Variants in MMP16 observed in about 807,000 individuals in gnomAD.
MMP16 encodes matrix metallopeptidase 16.
In MMP16, 12 loss-of-function variants were observed where a neutral mutation model predicts 67.8. That is an observed-to-expected ratio of 0.18 (90% confidence interval 0.11 to 0.29). MMP16 has a LOEUF of 0.29. MMP16 is among the 10% of genes least tolerant of loss of function. MMP16 has a pLI of 1.00. For synonymous variants in MMP16, 249 were observed against 255.9 expected (o/e 0.97, Z 0.26); for missense variants, 475 against 765.7 (o/e 0.62, Z 4.48).
At chr8:88,204,115 C>G (rs749996589) in intron 1 of MMP16, among the ~76,000 whole-genome samples, 1 of 152,182 alleles carries the variant, frequency 6.6e-6, no homozygotes, top group Admixed American at 6.5e-5. Context: ...AAAATCCCAG[C>G]AACAGAATTT....
chr8:88,297,274 G>A (rs1344050547), intron 1 of MMP16, among the ~76,000 whole-genome samples: 1 of 152,150 alleles, frequency 6.6e-6, no homozygotes, highest in Non-Finnish European at 1.5e-5. Flanking sequence ...ATGGAAGAAA[G>A]AGCAGAGTGC....
intron 1 of MMP16, among the ~76,000 whole-genome samples, chr8:88,247,274 A>G (rs1443385749): frequency 1.3e-5 from 2 of 152,178 alleles, no homozygotes; most frequent in Non-Finnish European, 2.9e-5. Flanking sequence ...TATTGTGATA[A>G]CTCAAGTATA....
At chr8:88,318,168 T>C (rs886582935) in intron 1 of MMP16, among the ~76,000 whole-genome samples, 6 of 152,188 alleles carry the variant, frequency 3.9e-5, no homozygotes, top group African/African-American at 1.4e-4. Context: ...TATTGTTCAA[T>C]TCTTTTAATC....
intron 4 of MMP16, among the ~76,000 whole-genome samples, chr8:88,153,189 C>T (rs1808439467): frequency 6.7e-6 from 1 of 149,606 alleles, no homozygotes; most frequent in Non-Finnish European, 1.5e-5. Context: ...AGGAGAACTA[C>T]AAATCACTGC....
intron 1 of MMP16, among the ~76,000 whole-genome samples, chr8:88,224,759 G>A (rs1188795240): frequency 1.3e-5 from 2 of 152,010 alleles, no homozygotes; most frequent in Non-Finnish European, 2.9e-5. Context: ...TCAAATATAG[G>A]TGGTAAATGC....
chr8:88,062,645 C>T (rs530882946), intron 7 of MMP16, among the ~76,000 whole-genome samples: 37 of 144,294 alleles, frequency 2.6e-4, no homozygotes, highest in Non-Finnish European at 3.8e-4. Flanking sequence ...CATCACACAC[C>T]GGGGCCTGTT....
chr8:88,219,452 C>G (rs1232902810), intron 1 of MMP16, among the ~76,000 whole-genome samples: 1 of 152,026 alleles, frequency 6.6e-6, no homozygotes, highest in Non-Finnish European at 1.5e-5. Context: ...AAATGTTACA[C>G]TATGCAGGTT....
chr8:88,164,129 T>C (rs1037895564), intron 4 of MMP16, among the ~76,000 whole-genome samples: 5 of 152,070 alleles, frequency 3.3e-5, no homozygotes, highest in Non-Finnish European at 7.4e-5. Context: ...CAAATTGCCT[T>C]CATTAGCTGA....
chr8:88,244,766 C>A (rs1432230988), intron 1 of MMP16, among the ~76,000 whole-genome samples: 3 of 152,102 alleles, frequency 2.0e-5, no homozygotes, highest in Non-Finnish European at 4.4e-5. Context: ...TCTTTCTTTA[C>A]CTTCGTGACT....
In MMP16 at chr8:88,254,225, T is replaced by C. The variant is rs937359460; in HGVS notation, c.133-56919A>G. Reference sequence around the variant, plus strand: ...AATGCAGGAACAAACAACTAAATACTGCATGTTCCTGCTTATAAATGGGAG... The same window carrying C: ...AATGCAGGAACAAACAACTAAATACCGCATGTTCCTGCTTATAAATGGGAG... On this transcript the variant is annotated intron_variant, in intron 1 of 9. Transcript: ENST00000286614. Among the ~76,000 whole-genome samples the C allele has an allele frequency of 5.3e-5, 8 of 152,204 alleles. 1 individual carries two copies. Among genetic ancestry groups the C allele is most frequent in the Middle Eastern group, 3.4e-3 (1 of 294 alleles).
rs1216309200 is a variant in MMP16, at chr8:88,036,919, T to C, written c.*4542A>G. On this transcript the variant is annotated 3_prime_UTR_variant, in exon 10 of 10. Transcript: ENST00000286614. ...AATCTCACAGACTCAATACTACCAGTAAATAATTCCCTTTATTAGTTTCTG... is the reference window on the plus strand; with the variant it reads ...AATCTCACAGACTCAATACTACCAGCAAATAATTCCCTTTATTAGTTTCTG... 6.6e-6 allele frequency: 1 copy of C among 151,666 alleles called. No individual in the cohort carries two copies. The highest frequency in any genetic ancestry group is 1.5e-5 in the Non-Finnish European group (1 of 67,756). The allele number at this position is 151,666 out of a possible 1,614,324, so 9.4% of individuals were successfully genotyped here.
intron 1 of MMP16, among the ~76,000 whole-genome samples, chr8:88,227,295 T>C (rs184057827): frequency 1.5e-3 from 225 of 152,182 alleles, no homozygotes; most frequent in Non-Finnish European, 7.7e-4. Context: ...CATCAAGTTA[T>C]GTTTTTATAT....
intron 4 of MMP16, among the ~76,000 whole-genome samples, chr8:88,164,689 T>C (rs938305792): frequency 1.4e-4 from 22 of 152,186 alleles, no homozygotes; most frequent in African/African-American, 4.8e-4. Flanking sequence ...GGTAAAGACA[T>C]AGTTTCCTCC....
At position 88,151,614 on chromosome 8, in the gene MMP16, C is replaced by T. The variant is rs1263884561; in HGVS notation, c.709+16055G>A. On this transcript the variant is annotated intron_variant, in intron 4 of 9. Transcript: ENST00000286614. ...TGAACAACCTGCTCCTGAATGACTACTGGGTACATAACGAAATGAAGGCAG... is the reference window on the plus strand; with the variant it reads ...TGAACAACCTGCTCCTGAATGACTATTGGGTACATAACGAAATGAAGGCAG... Among the ~76,000 whole-genome samples, 461 of 140,494 alleles carry T rather than the reference C, an allele frequency of 3.3e-3. 2 individuals are homozygous for T. Among genetic ancestry groups the T allele is most frequent in the African/African-American group, 0.012 (442 of 37,498 alleles). The allele number at this position is 140,494 out of a possible 152,430, so 92.2% of individuals were successfully genotyped here.
intron 8 of MMP16, among the ~76,000 whole-genome samples, chr8:88,055,454 C>G (rs1431058894): frequency 6.6e-6 from 1 of 152,182 alleles, no homozygotes; most frequent in Non-Finnish European, 1.5e-5. Context: ...GTGATCCACC[C>G]ACCTTGGCCT....
At chr8:88,177,294 C>T (rs1384132861) in intron 3 of MMP16, among the ~76,000 whole-genome samples, 1 of 152,172 alleles carries the variant, frequency 6.6e-6, no homozygotes, top group Non-Finnish European at 1.5e-5. Context: ...GAAGTTATCA[C>T]TTCAAACCTC....
intron 1 of MMP16, among the ~76,000 whole-genome samples, chr8:88,276,986 T>G (rs1310367459): frequency 3.3e-5 from 5 of 152,194 alleles, no homozygotes; most frequent in Non-Finnish European, 1.5e-5. Context: ...TTTTTTCACA[T>G]TAAAGATTTT....
At chr8:88,320,220 A>G (rs186562069) in intron 1 of MMP16, among the ~76,000 whole-genome samples, 1 of 152,198 alleles carries the variant, frequency 6.6e-6, no homozygotes, top group Non-Finnish European at 1.5e-5. Context: ...CTTTCATTGA[A>G]AAGTATTTAT....
chr8:88,327,001 T>C, intron 1 of MMP16, 74 bp downstream of exon 1: 1 of 1,591,304 alleles, frequency 6.3e-7, no homozygotes, highest in Non-Finnish European at 8.6e-7. Context: ...GCTACAAGGA[T>C]CCCAGGAGTG....
Sources: gnomAD v4.1 joint callset for allele counts (sites outside exome capture counted in the v4.1 genomes callset) on GRCh38, gnomAD v4.1.1 for gene constraint, MANE v1.5 for transcripts, NCBI Gene and HGNC (gene_info 2026-07-23, HGNC 2026-07-21) for gene names.